Variants in ATXN1 observed in about 807,000 individuals in gnomAD.
The protein encoded by ATXN1 is ataxin-1.
ATXN1 carries 8 observed loss-of-function variants against 56.4 expected under a neutral mutation model. The observed-to-expected ratio is 0.14, with a 90% CI of 0.08 to 0.26. The LOEUF (loss-of-function observed/expected upper bound fraction) is 0.26. ATXN1 is among the 10% of genes least tolerant of loss of function. The pLI is 1.00. For missense variants in ATXN1, 987 were observed against 1,106.5 expected (o/e 0.89, Z 1.53); for synonymous variants, 514 against 494.6 (o/e 1.04, Z -0.52).
intron 3 of ATXN1, among the ~76,000 whole-genome samples, chr6:16,612,465 G>A (rs1022562201): frequency 1.3e-5 from 2 of 152,030 alleles, no homozygotes; most frequent in Non-Finnish European, 2.9e-5. Flanking sequence ...AATAAATTAT[G>A]GAATCACAGA....
rs1367924885 is a variant in ATXN1 at position 16,466,908 on chromosome 6, T to A, written c.-161+19064A>T. On this transcript the variant is annotated intron_variant, in intron 6 of 7. Coordinates refer to ENST00000436367, the MANE Select transcript of ATXN1 (RefSeq NM_001128164.2). Reference sequence around the variant, plus strand: ...AAGGATTAATGTTCTTTCCATCTCATAACTCAAGTTTCCAATAACGTCTTC... The same window carrying A: ...AAGGATTAATGTTCTTTCCATCTCAAAACTCAAGTTTCCAATAACGTCTTC... 2.6e-5 allele frequency among the ~76,000 whole-genome samples: 4 copies of A among 152,260 alleles called. No homozygotes were observed. The East Asian group carries it at 7.7e-4, about 29-fold the overall frequency.
Position 16,687,782 on chromosome 6 carries a change from C to T in ATXN1, c.-614-29881G>A, listed in dbSNP as rs561309127. Among the ~76,000 whole-genome samples the T allele has an allele frequency of 1.6e-4, 24 of 151,956 alleles. No homozygotes were observed. The South Asian group carries it at 4.6e-3, about 29-fold the overall frequency. ...ATATTTAGAATACAAATGGCTTCTA[C>T]GGTCTTTTTGTGCCTTTATCATACC... On this transcript the variant is annotated intron_variant, in intron 2 of 7. Coordinates refer to ENST00000436367, the MANE Select transcript of ATXN1 (RefSeq NM_001128164.2).
rs575594054 is a variant in ATXN1, at chr6:16,495,084, C to A, written c.-298-8975G>T. Among the ~76,000 whole-genome samples the A allele has an allele frequency of 3.3e-5, 5 of 152,288 alleles. No homozygotes were observed. The East Asian group carries it at 9.7e-4, about 29-fold the overall frequency. On this transcript the variant is annotated intron_variant, in intron 5 of 7. Coordinates refer to ENST00000436367, the MANE Select transcript of ATXN1 (RefSeq NM_001128164.2). ...GAAAATGGGGAAGGCTGAAACACAG[C>A]CTGTGCCTCATGCTTTGATAATTTC...
intron 2 of ATXN1, chr6:16,739,857 G>A: frequency 2.2e-6 from 1 of 456,898 alleles, no homozygotes; most frequent in Non-Finnish European, 4.4e-6. Flanking sequence ...CAAGTCCCGG[G>A]GACTTCCAAC....
In ATXN1 at chr6:16,439,372, GC is replaced by G. The variant is rs1195057657; in HGVS notation, c.-161+46599del. Among the ~76,000 whole-genome samples the G allele has an allele frequency of 9.8e-4, 28 of 28,438 alleles. 1 individual carries two copies. The highest frequency in any genetic ancestry group is 1.4e-3 in the African/African-American group (10 of 7,104). The allele number at this position is 28,438 out of a possible 152,430, so 18.7% of individuals were successfully genotyped here. ...GGGGGGGGGGGGGGCGGGGCCGGGG[GC>G]GGGGCGGGAATAAGGGTTGGGGTGG... On this transcript the variant is annotated intron_variant, in intron 6 of 7. Transcript: ENST00000436367.
chr6:16,554,508 A>G (rs1761976614), intron 4 of ATXN1, among the ~76,000 whole-genome samples: 1 of 152,118 alleles, frequency 6.6e-6, no homozygotes, highest in Non-Finnish European at 1.5e-5. Context: ...CTGGAGTGCA[A>G]TGGTGCGGTC....
At chr6:16,616,756 G>A (rs2113796567) in intron 3 of ATXN1, among the ~76,000 whole-genome samples, 1 of 149,154 alleles carries the variant, frequency 6.7e-6, no homozygotes, top group South Asian at 2.1e-4. Context: ...CATACTAATA[G>A]TTTTCCTAAA....
At chr6:16,348,350 C>T (rs1431068468) in intron 6 of ATXN1, among the ~76,000 whole-genome samples, 1 of 152,168 alleles carries the variant, frequency 6.6e-6, no homozygotes, top group Non-Finnish European at 1.5e-5. Context: ...CAGATATGAG[C>T]CACAGCACCG....
chr6:16,673,009 T>C (rs1269444331), intron 2 of ATXN1, among the ~76,000 whole-genome samples: 1 of 103,292 alleles, frequency 9.7e-6, no homozygotes, highest in Non-Finnish European at 1.9e-5. Context: ...TGAGACTCCG[T>C]TCCCCCCCGC....
At chr6:16,644,173 G>GTCC (rs1763759103) in intron 3 of ATXN1, among the ~76,000 whole-genome samples, 1 of 152,186 alleles carries the variant, frequency 6.6e-6, no homozygotes, top group South Asian at 2.1e-4. Flanking sequence ...ATGGATAGTG[G>GTCC]AGATGATTGC....
chr6:16,453,951 G>A (rs1280762997), intron 6 of ATXN1, among the ~76,000 whole-genome samples: 1 of 151,870 alleles, frequency 6.6e-6, no homozygotes, highest in East Asian at 1.9e-4. Flanking sequence ...GACCAGCCTG[G>A]CCAACATGGC....
intron 6 of ATXN1, among the ~76,000 whole-genome samples, chr6:16,373,680 T>C (rs895558800): frequency 2.6e-5 from 4 of 152,232 alleles, no homozygotes; most frequent in African/African-American, 9.6e-5. Flanking sequence ...GATTGTTTTA[T>C]AAGAGGTTTC....
intron 2 of ATXN1, among the ~76,000 whole-genome samples, chr6:16,726,860 A>G (rs897319298): frequency 2.6e-5 from 4 of 152,146 alleles, no homozygotes; most frequent in African/African-American, 9.7e-5. Context: ...CTTCATCTCA[A>G]AAAAAAACAA....
At chr6:16,518,345 C>T (rs1310982702) in intron 5 of ATXN1, among the ~76,000 whole-genome samples, 1 of 152,218 alleles carries the variant, frequency 6.6e-6, no homozygotes, top group African/African-American at 2.4e-5. Flanking sequence ...TGGCCTATGC[C>T]CCCTCCTTGG....
intron 6 of ATXN1, among the ~76,000 whole-genome samples, chr6:16,395,700 G>A: frequency 6.6e-6 from 1 of 152,112 alleles, no homozygotes; most frequent in East Asian, 1.9e-4. Context: ...TGTTATTTGA[G>A]AGTGGACTCT....
chr6:16,492,124 G>A lies in ATXN1; in HGVS notation c.-298-6015C>T, dbSNP rs114228627. Among the ~76,000 whole-genome samples the A allele has an allele frequency of 3.9e-3, 590 of 152,088 alleles. 2 individuals are homozygous for A. Among genetic ancestry groups the A allele is most frequent in the African/African-American group, 0.012 (503 of 41,480 alleles). Reference sequence around the variant, plus strand: ...TTCAGCTAAGCCATGCCTGGACTTCGGACCTCCAACAGATAATTCAACTAA... The same window carrying A: ...TTCAGCTAAGCCATGCCTGGACTTCAGACCTCCAACAGATAATTCAACTAA... On this transcript the variant is annotated intron_variant, in intron 5 of 7. Transcript: ENST00000436367.
Position 16,327,079 on chromosome 6 carries a change from T to C in ATXN1, c.1232A>G (p.Asn411Ser), listed in dbSNP as rs777050787. ...THREASPSTL[N>S]DKSGLHLGKP... ...CCCTAAATGCAGGCCACTTTTGTCG[T>C]TGAGGGTAGAAGGGGAGGCTTCACG... Residue 411 changes from asparagine to serine, a missense_variant, in exon 7 of 8, where the codon AAC becomes AGC. Transcript: ENST00000436367. The C allele has an allele frequency of 3.1e-6, 5 of 1,613,844 alleles. No homozygotes were observed. The South Asian group carries it at 3.3e-5, about 11-fold the overall frequency.
At chr6:16,735,016 T>C (rs1760080841) in intron 2 of ATXN1, among the ~76,000 whole-genome samples, 1 of 152,238 alleles carries the variant, frequency 6.6e-6, no homozygotes, top group Non-Finnish European at 1.5e-5. Flanking sequence ...TTATTTTATA[T>C]TTAGTAAAAA....
At chr6:16,473,124 TGA>T (rs763688192) in intron 6 of ATXN1, among the ~76,000 whole-genome samples, 11 of 152,202 alleles carry the variant, frequency 7.2e-5, no homozygotes, top group Non-Finnish European at 1.0e-4. Context: ...TCTTTTTTAA[TGA>T]AAAAAATTAG....
Sources: gnomAD v4.1 joint callset for allele counts (sites outside exome capture counted in the v4.1 genomes callset) on GRCh38, gnomAD v4.1.1 for gene constraint, MANE v1.5 for transcripts, NCBI Gene and HGNC (gene_info 2026-07-23, HGNC 2026-07-21) for gene names.